Variants in DSCAM observed in about 807,000 individuals in gnomAD.
The protein encoded by DSCAM is cell adhesion molecule DSCAM.
Under a neutral mutation model 217.7 loss-of-function variants are expected in DSCAM, and 47 were observed. That is an observed-to-expected ratio of 0.22 (90% CI 0.17 to 0.28). The LOEUF is 0.28. Among genes scored for constraint, DSCAM ranks in the 10% least tolerant of loss-of-function variants. DSCAM has a pLI of 1.00. For missense variants in DSCAM, 2,080 were observed against 2,618.3 expected (o/e 0.79, Z 4.49); for synonymous variants, 1,056 against 1,015.3 (o/e 1.04, Z -0.76).
chr21:40,720,373 G>C (rs559531700), intron 1 of DSCAM, among the ~76,000 whole-genome samples: 1 of 152,226 alleles, frequency 6.6e-6, no homozygotes, highest in South Asian at 2.1e-4. Context: ...GTGTCATCTC[G>C]ATCAGACAAT....
At position 40,643,305 on chromosome 21, in the gene DSCAM, C is replaced by T. The variant is rs966318978; in HGVS notation, c.508+49505G>A. Reference sequence around the variant, plus strand: ...CTTCTTCTTGTTTTATTTTCTCTAGCTTGGAGAAACAACATATTTTACAAG... The same window carrying T: ...CTTCTTCTTGTTTTATTTTCTCTAGTTTGGAGAAACAACATATTTTACAAG... On this transcript the variant is annotated intron_variant, in intron 3 of 32. Coordinates refer to ENST00000400454, the MANE Select transcript of DSCAM (RefSeq NM_001389.5). Among the ~76,000 whole-genome samples the T allele has an allele frequency of 4.3e-4, 65 of 152,148 alleles. 4 individuals carry two copies.
chr21:40,599,649 C>CA (rs1299678056), intron 3 of DSCAM, among the ~76,000 whole-genome samples: 1 of 151,736 alleles, frequency 6.6e-6, no homozygotes, highest in South Asian at 2.1e-4. Flanking sequence ...AAAAATCCTT[C>CA]AAAAAAATCA....
intron 20 of DSCAM, among the ~76,000 whole-genome samples, chr21:40,104,208 T>C (rs1396997556): frequency 3.3e-5 from 5 of 152,196 alleles, no homozygotes; most frequent in Non-Finnish European, 7.3e-5. Flanking sequence ...TTAATTTAAC[T>C]TGATTGCTGT....
At chr21:40,674,609 ATTTTCTTTTTCT>A (rs1345568898) in intron 3 of DSCAM, among the ~76,000 whole-genome samples, 39 of 125,136 alleles carry the variant, frequency 3.1e-4, no homozygotes, top group African/African-American at 8.1e-4. Flanking sequence ...CATTAAAGGT[ATTTTCTTTTTCT>A]TTTTCTTTTT....
At position 40,049,515 on chromosome 21, in the gene DSCAM, A is replaced by ACTT. The variant is rs199951282; in HGVS notation, c.5185+2440_5185+2442dup. 3.2e-3 allele frequency among the ~76,000 whole-genome samples: 463 copies of ACTT among 142,536 alleles called. 1 individual carries two copies. The highest frequency in any genetic ancestry group is 0.017 in the Middle Eastern group (5 of 286). The allele number at this position is 142,536 out of a possible 152,430, so 93.5% of individuals were successfully genotyped here. A position where few individuals can be genotyped will look rare whatever the true frequency, so the allele number is the denominator to read the frequency against. ...TGGCTTCATTCTCTTTCTGTCTAGG[A>ACTT]CTTACTGAGAAATGAAAACTACTTT... On this transcript the variant is annotated intron_variant, in intron 30 of 32. Transcript: ENST00000400454.
chr21:40,577,575 C>T (rs994189807), intron 3 of DSCAM, among the ~76,000 whole-genome samples: 7 of 151,906 alleles, frequency 4.6e-5, no homozygotes, highest in Admixed American at 2.0e-4. Context: ...TCAGAGAAAA[C>T]GCCACACTTT....
chr21:40,193,927 C>A (rs2146840510), intron 11 of DSCAM, among the ~76,000 whole-genome samples: 1 of 152,302 alleles, frequency 6.6e-6, no homozygotes, highest in Middle Eastern at 3.4e-3. Context: ...GGTGTTGACC[C>A]AGAATGTAAT....
At chr21:40,634,553 T>A (rs2089731215) in intron 3 of DSCAM, among the ~76,000 whole-genome samples, 1 of 152,246 alleles carries the variant, frequency 6.6e-6, no homozygotes, top group Admixed American at 6.5e-5. Context: ...ACGATGGCCA[T>A]ACTTTTCATT....
rs1247623367 is a variant in DSCAM at position 40,011,724 on chromosome 21, T to C, written c.*1310A>G. ...GGAGATAAAGTGAGGGAAAGGAAAG[T>C]AAAAACTTAGATTTTAGAGGAACAT... On this transcript the variant is annotated 3_prime_UTR_variant, in exon 33 of 33. Transcript: ENST00000400454. The C allele has an allele frequency of 6.6e-6, 1 of 152,152 alleles. No homozygotes were observed. Among genetic ancestry groups the C allele is most frequent in the Non-Finnish European group, 1.5e-5 (1 of 68,014 alleles). 9.4% of individuals were successfully genotyped at this position (152,152 alleles called of 1,614,324 possible).
chr21:40,474,824 G>A lies in DSCAM; in HGVS notation c.509-105579C>T, dbSNP rs115008696. ...GTGTCCATTAGAGACTGAGGGGAAC[G>A]TTGTTCTTGCCGTGTCCTCTGAGGG... On this transcript the variant is annotated intron_variant, in intron 3 of 32. Transcript: ENST00000400454. Among the ~76,000 whole-genome samples the A allele has an allele frequency of 6.6e-3, 1,006 of 152,284 alleles. 17 individuals carry two copies. Among genetic ancestry groups the A allele is most frequent in the African/African-American group, 0.023 (962 of 41,554 alleles).
At chr21:40,309,070 A>C (rs2074110404) in intron 9 of DSCAM, among the ~76,000 whole-genome samples, 1 of 152,216 alleles carries the variant, frequency 6.6e-6, no homozygotes, top group African/African-American at 2.4e-5. Flanking sequence ...TCTCATAAGC[A>C]TAAAGCAGGC....
At chr21:40,748,888 T>G (rs1420448814) in intron 1 of DSCAM, among the ~76,000 whole-genome samples, 1 of 152,002 alleles carries the variant, frequency 6.6e-6, no homozygotes, top group Non-Finnish European at 1.5e-5. Context: ...ACAGATACAT[T>G]GATGAATGTG....
chr21:40,355,700 G>T (rs1455330497), intron 4 of DSCAM, among the ~76,000 whole-genome samples: 1 of 152,110 alleles, frequency 6.6e-6, no homozygotes, highest in African/African-American at 2.4e-5. Flanking sequence ...TCTTGTCTTT[G>T]CCTCAGTGAG....
chr21:40,723,087 G>A (rs543214207), intron 1 of DSCAM, among the ~76,000 whole-genome samples: 9 of 144,226 alleles, frequency 6.2e-5, no homozygotes, highest in East Asian at 4.0e-4. Flanking sequence ...GGTCTCTCTC[G>A]CTCTTTTTTT....
chr21:40,513,985 C>T (rs1176510756), intron 3 of DSCAM, among the ~76,000 whole-genome samples: 4 of 152,166 alleles, frequency 2.6e-5, no homozygotes, highest in African/African-American at 9.7e-5. Context: ...GCACTCAAAA[C>T]TGCTACATAA....
intron 11 of DSCAM, among the ~76,000 whole-genome samples, chr21:40,239,926 A>T (rs2073126273): frequency 6.6e-6 from 1 of 152,176 alleles, no homozygotes; most frequent in Non-Finnish European, 1.5e-5. Context: ...CCAGGCGAGC[A>T]TCTCAGTTAT....
intron 1 of DSCAM, among the ~76,000 whole-genome samples, chr21:40,708,980 C>T (rs535613655): frequency 4.5e-4 from 69 of 152,316 alleles, no homozygotes; most frequent in African/African-American, 1.6e-3. Flanking sequence ...ACATTTTGTA[C>T]ACAAACTGTT....
In DSCAM at chr21:40,827,640, A is replaced by T. The variant is rs144287212; in HGVS notation, c.43+18979T>A. On this transcript the variant is annotated intron_variant, in intron 1 of 32. Coordinates refer to ENST00000400454, the MANE Select transcript of DSCAM (RefSeq NM_001389.5). ...AAGATGAGAGTGTCAGGTGAGTTGA[A>T]ACAGCGCTAATCGAAGTGTGTACAG... Among the ~76,000 whole-genome samples, 637 of 152,246 alleles carry T rather than the reference A, an allele frequency of 4.2e-3. 2 individuals carry two copies. The highest frequency in any genetic ancestry group is 6.0e-3 in the South Asian group (29 of 4,814).
At chr21:40,783,429 G>A (rs2091565337) in intron 1 of DSCAM, among the ~76,000 whole-genome samples, 1 of 152,164 alleles carries the variant, frequency 6.6e-6, no homozygotes, top group African/African-American at 2.4e-5. Flanking sequence ...CTATCTGCAT[G>A]TGTGTGTACG....
Sources: allele counts gnomAD v4.1 joint callset (sites outside exome capture counted in the v4.1 genomes callset), GRCh38; gene constraint gnomAD v4.1.1; transcripts MANE v1.5; gene names NCBI Gene and HGNC (gene_info 2026-07-23, HGNC 2026-07-21).